The following ANK2 variants were observed in gnomAD, a reference collection of about 807,000 sequenced individuals.
ANK2 encodes the protein ankyrin 2, also known as ankyrin-2.
A neutral mutation model predicts 360.5 loss-of-function variants in ANK2; 83 were observed. That is an observed-to-expected ratio of 0.23 (90% CI 0.19 to 0.28). The LOEUF (loss-of-function observed/expected upper bound fraction) is 0.28, where lower values mean the gene tolerates loss of function less well. ANK2 is among the 10% of genes least tolerant of loss of function. The pLI, the probability that ANK2 is intolerant of heterozygous loss-of-function variation, is 1.00. For synonymous variants in ANK2, 1,740 were observed against 1,759.5 expected (o/e 0.99, Z 0.28); for missense variants, 4,201 against 4,795.7 (o/e 0.88, Z 3.66).
intron 1 of ANK2, chr4:113,146,044 G>A (rs2096823133): frequency 2.3e-6 from 3 of 1,288,650 alleles, no homozygotes; most frequent in Non-Finnish European, 3.0e-6. Flanking sequence ...GGAGGATGGT[G>A]GCATAAGAAT....
rs531092201 is a variant in ANK2, at chr4:113,382,626, C to CT, written c.*1166dup. 91 of 144,216 alleles carry CT rather than the reference C, an allele frequency of 6.3e-4. No individual in the cohort carries two copies. Among genetic ancestry groups the CT allele is most frequent in the South Asian group, 3.8e-3 (16 of 4,178 alleles). 8.9% of individuals were successfully genotyped at this position (144,216 alleles called of 1,614,324 possible). On this transcript the variant is annotated 3_prime_UTR_variant, in exon 46 of 46. Transcript: ENST00000357077. ...CTCCTTCAGTATGTTGGAGTGGTTTCTTTTTTTTTTTCTTTCTTTCTTTTT... is the reference window on the plus strand; with the variant it reads ...CTCCTTCAGTATGTTGGAGTGGTTTCTTTTTTTTTTTTCTTTCTTTCTTTTT...
chr4:112,725,357 CTTTTTTTTTTTTT>C, the ANK2 span, among the ~76,000 whole-genome samples: 1 of 73,594 alleles, frequency 1.4e-5, no homozygotes. Flanking sequence ...AAGACACAGT[CTTTTTTTTTTTTT>C]TTTTTTTTGA....
intron 4 of ANK2, among the ~76,000 whole-genome samples, chr4:113,220,690 T>C (rs952261515): frequency 9.2e-5 from 14 of 152,210 alleles, no homozygotes; most frequent in Admixed American, 1.3e-4. Flanking sequence ...TTTGGAGTTA[T>C]GTGAGAGTAA....
At position 113,357,006 on chromosome 4, in the gene ANK2, G is replaced by T. The variant is rs369684289; in HGVS notation, c.8388G>T (p.Pro2796=). The change falls in exon 38 of 46, where the codon CCG becomes CCT. Residue 2796 remains proline (P), a synonymous_variant. Transcript: ENST00000357077. Reference sequence around the variant, plus strand: ...CTGTCTCTTCAGGTCTACAGAGTCCGACTGGTGATGATGTTGATGAACAGC... The same window carrying T: ...CTGTCTCTTCAGGTCTACAGAGTCCTACTGGTGATGATGTTGATGAACAGC... ...AAPVSSGLQS[P]TGDDVDEQPV... 2.5e-6 allele frequency: 4 copies of T among 1,613,982 alleles called. No individual in the cohort carries two copies. The highest frequency in any genetic ancestry group is 3.4e-6 in the Non-Finnish European group (4 of 1,179,960).
At position 113,318,525 on chromosome 4, in the gene ANK2, T is replaced by C; in HGVS notation, c.2805T>C (p.Thr935=). ...SVVIPSHQVS[T]LAKEAERNSY... ...GTGTTCTTTGTGTTTAGGTGTCAAC[T>C]CTAGCCAAGGAGGCAGAAAGGAATT... Residue 935 remains threonine, a synonymous_variant, in exon 26 of 46, where the codon ACT becomes ACC. Transcript: ENST00000357077. The C allele has an allele frequency of 6.2e-7, 1 of 1,613,556 alleles. No homozygotes were observed.
chr4:113,156,821 T>C (rs2097317764), intron 1 of ANK2, among the ~76,000 whole-genome samples: 1 of 150,498 alleles, frequency 6.6e-6, no homozygotes, highest in South Asian at 2.1e-4. Flanking sequence ...TGTATGTGTG[T>C]GCGTGCACAC....
intron 2 of ANK2, among the ~76,000 whole-genome samples, chr4:112,961,197 T>C (rs528119907): frequency 1.4e-3 from 207 of 152,180 alleles, no homozygotes; most frequent in African/African-American, 4.6e-3. Flanking sequence ...CTATAGAAAG[T>C]GTCTGATCTA....
chr4:112,900,518 G>A (rs59071566), intron 1 of ANK2, among the ~76,000 whole-genome samples: 41 of 151,938 alleles, frequency 2.7e-4, no homozygotes, highest in Non-Finnish European at 5.3e-4. Flanking sequence ...TGATAGACAC[G>A]GGGGACTTCA....
the ANK2 span, among the ~76,000 whole-genome samples, chr4:112,725,288 A>C: frequency 1.4e-5 from 2 of 144,710 alleles, no homozygotes; most frequent in Non-Finnish European, 3.0e-5. Context: ...TCTCCAGACA[A>C]AAAAAAAAAA....
At chr4:112,819,195 T>C (rs6851781) in intron 1 of ANK2, among the ~76,000 whole-genome samples, 95,425 of 152,014 alleles carry the variant, frequency 0.63, 31,826 homozygotes, top group East Asian at 0.93. Context: ...TAAATGTGTG[T>C]GGTTGGAAGG....
the ANK2 span, among the ~76,000 whole-genome samples, chr4:112,708,936 A>G: frequency 6.6e-6 from 1 of 152,170 alleles, no homozygotes; most frequent in Admixed American, 6.6e-5. Flanking sequence ...TTGAACAAAG[A>G]TTTTTTTAAA....
intron 2 of ANK2, among the ~76,000 whole-genome samples, chr4:113,022,620 C>A (rs1308013871): frequency 6.6e-6 from 1 of 152,192 alleles, no homozygotes; most frequent in African/African-American, 2.4e-5. Flanking sequence ...ACTATAATTG[C>A]TACCTATTCT....
chr4:112,830,397 A>T (rs1350428404), intron 1 of ANK2, among the ~76,000 whole-genome samples: 3 of 152,216 alleles, frequency 2.0e-5, no homozygotes, highest in African/African-American at 7.2e-5. Context: ...TAACACAGTA[A>T]CAGGAAACAA....
chr4:113,070,201 G>A (rs1416641279), intron 1 of ANK2: 1 of 152,084 alleles, frequency 6.6e-6, no homozygotes, highest in Non-Finnish European at 1.5e-5. Flanking sequence ...AAATTAAAAT[G>A]TAGCTTCCTT....
chr4:112,936,526 A>G (rs1487156548), intron 2 of ANK2, among the ~76,000 whole-genome samples: 1 of 151,770 alleles, frequency 6.6e-6, no homozygotes, highest in Admixed American at 6.6e-5. Flanking sequence ...TTGTATTTTT[A>G]GTAGAGATAG....
chr4:112,824,169 A>G (rs1327869136), intron 1 of ANK2, among the ~76,000 whole-genome samples: 1 of 151,666 alleles, frequency 6.6e-6, no homozygotes, highest in Admixed American at 6.6e-5. Flanking sequence ...CTATCTATCT[A>G]TCTATCTATC....
intron 34 of ANK2, among the ~76,000 whole-genome samples, chr4:113,345,652 A>G (rs2094763135): frequency 6.6e-6 from 1 of 152,228 alleles, no homozygotes; most frequent in Non-Finnish European, 1.5e-5. Flanking sequence ...ACATATATCA[A>G]ATCATCACAT....
intron 2 of ANK2, among the ~76,000 whole-genome samples, chr4:112,955,135 C>A (rs577710968): frequency 6.6e-6 from 1 of 152,162 alleles, no homozygotes; most frequent in East Asian, 1.9e-4. Flanking sequence ...TCATGAAAAA[C>A]AAGCTACAGC....
At chr4:112,883,018 C>CTTTTTTTTTTTTTTTT (rs536262490) in intron 1 of ANK2, among the ~76,000 whole-genome samples, 2 of 30,526 alleles carry the variant, frequency 6.6e-5, no homozygotes, top group African/African-American at 1.0e-4. Flanking sequence ...CTTGGTTAGT[C>CTTTTTTTTTTTTTTTT]TTTTTTTTTT....
Sources: gnomAD v4.1 joint callset for allele counts (sites outside exome capture counted in the v4.1 genomes callset) on GRCh38, gnomAD v4.1.1 for gene constraint, MANE v1.5 for transcripts, NCBI Gene and HGNC (gene_info 2026-07-23, HGNC 2026-07-21) for gene names.